PLA2G4B: variants seen among roughly 807,000 people sequenced by gnomAD.
PLA2G4B encodes the protein phospholipase A2 group IVB.
Under a neutral mutation model 95.8 loss-of-function variants are expected in PLA2G4B, and 122 were observed. The observed-to-expected ratio is 1.27, with a 90% CI of 1.10 to 1.48. The LOEUF is 1.48. Among genes scored for constraint, PLA2G4B ranks in the 40% most tolerant of loss-of-function variants. The probability of loss-of-function intolerance (pLI) is 0.00; values close to 1 mark genes in which losing one functional copy is unlikely to be tolerated. For missense variants in PLA2G4B, 1,158 were observed against 996.2 expected, an observed-to-expected ratio of 1.16 and a Z score of -2.19; for synonymous variants, 518 against 421.5, an observed-to-expected ratio of 1.23 and a Z score of -2.80.
At chr15:41,847,206 A>G in intron 18 of PLA2G4B, 131 bp from the exon 19 acceptor site, 1 of 1,390,936 alleles carries the variant, frequency 7.2e-7, no homozygotes, top group Non-Finnish European at 9.6e-7. Flanking sequence ...TTTTCCAACG[A>G]CTGGCTTCAT....
In PLA2G4B at chr15:41,840,768, CT is replaced by C. The variant is rs781778961; in HGVS notation, c.220-5del. The C allele has an allele frequency of 5.0e-6, 8 of 1,613,242 alleles. No individual in the cohort carries two copies. Among genetic ancestry groups the C allele is most frequent in the Non-Finnish European group, 6.8e-6 (8 of 1,179,492 alleles). On this transcript the variant is annotated splice_polypyrimidine_tract_variant and splice_region_variant and intron_variant, in intron 3 of 19. Transcript: ENST00000458483. ...CCTGCAGCCCTGTCACTCTTTTCCC[CT>C]CCAGAATGTCATGGAACTGAAAGTC...
chr15:41,839,415 A>C (rs1295795914), intron 1 of PLA2G4B: 1 of 153,354 alleles, frequency 6.5e-6, no homozygotes, highest in African/African-American at 2.4e-5. Flanking sequence ...TGCGCCTGCC[A>C]GGCTGCATTC....
At chr15:41,844,780 G>A (rs1029890344) in intron 12 of PLA2G4B, 68 bp from the exon 13 acceptor site, 30 of 1,538,002 alleles carry the variant, frequency 2.0e-5, no homozygotes, top group African/African-American at 1.2e-4. Context: ...TAGAAAGCCC[G>A]GGGCACGTGG....
chr15:41,845,884 G>A, intron 15 of PLA2G4B, 59 bp from the exon 16 acceptor site: 1 of 1,517,702 alleles, frequency 6.6e-7, no homozygotes, highest in East Asian at 2.3e-5. Flanking sequence ...CTGGCCATGG[G>A]GAAGGGTAGG....
rs756672172 is a variant in PLA2G4B at position 41,847,856 on chromosome 15, A to C, written c.2342A>C (p.His781Pro). 4 of 1,612,164 alleles carry C rather than the reference A, an allele frequency of 2.5e-6. No homozygotes were observed. The highest frequency in any genetic ancestry group is 2.5e-6 in the Non-Finnish European group (3 of 1,179,638). The change falls in exon 20 of 20, where the codon CAC becomes CCC. Residue 781 changes from histidine to proline, a missense_variant. His to Pro is a moderately conservative substitution (Grantham distance 77, BLOSUM62 -2). Coordinates refer to ENST00000458483, the MANE Select transcript of PLA2G4B (RefSeq NM_001114633.2). ...CAGCGGAGGCGGCAGCGCAGGCCCC[A>C]CTGATGGCCGGGGCCCCTGCCACCC... ...AVQRRRQRRPH is the reference protein window; with the variant it reads ...AVQRRRQRRPP
chr15:41,843,466 G>A (rs2065473869), intron 10 of PLA2G4B, among the ~76,000 whole-genome samples: 1 of 152,218 alleles, frequency 6.6e-6, no homozygotes, highest in East Asian at 1.9e-4. Flanking sequence ...GGCATTCTGG[G>A]TCCTGCCAGT....
chr15:41,842,694 T>C, intron 10 of PLA2G4B, 103 bp downstream of exon 10: 1 of 1,517,474 alleles, frequency 6.6e-7, no homozygotes, highest in Non-Finnish European at 8.8e-7. Flanking sequence ...CCGCCCCTCA[T>C]CCTCATGCTC....
At position 41,843,761 on chromosome 15, in the gene PLA2G4B, G is replaced by A. The variant is rs114530989; in HGVS notation, c.829G>A (p.Ala277Thr). 153 of 1,613,870 alleles carry A rather than the reference G, an allele frequency of 9.5e-5. No individual in the cohort carries two copies. The African/African-American group carries it at 1.8e-3, about 19-fold the overall frequency. The change falls in exon 11 of 20, where the codon GCG (alanine) becomes ACG (threonine). Residue 277 changes from alanine (A) to threonine (T), a missense_variant. Ala to Thr is a moderately conservative substitution (Grantham distance 58). Coordinates refer to ENST00000458483, the MANE Select transcript of PLA2G4B (RefSeq NM_001114633.2). ...FLSRRKQVVA[A>T]ALRQALQLDG... is the part of the protein sequence containing the mutation. ...GAGCAGGAGGAAGCAGGTGGTGGCCGCGGCCTTGAGGCAGGCCCTGCAGCT... is the reference window on the plus strand; with the variant it reads ...GAGCAGGAGGAAGCAGGTGGTGGCCACGGCCTTGAGGCAGGCCCTGCAGCT...
rs1470368617 is a variant in PLA2G4B, at chr15:41,845,718, T to A, written c.1438T>A (p.Phe480Ile). ...FIPSELFGSE[F>I]FMGQLMKRLP... is the part of the protein sequence containing the mutation. ...CCCCTCTGAGCTCTTTGGCTCCGAG[T>A]TCTTTATGGGGCAGCTGATGAAGAG... The change falls in exon 15 of 20, where the codon TTC becomes ATC. Residue 480 changes from phenylalanine to isoleucine, a missense_variant. Transcript: ENST00000458483. 1 of 1,612,780 alleles carries A rather than the reference T, an allele frequency of 6.2e-7. No homozygotes were observed. Among genetic ancestry groups the A allele is most frequent in the Non-Finnish European group, 8.5e-7 (1 of 1,179,510 alleles).
rs201342913 is a variant in PLA2G4B, at chr15:41,847,503, T to A, written c.2114T>A (p.Phe705Tyr). ...CACTTTCCTCTGGTCAGCGACTCCT[T>A]CCGGGAGTACTCGGCCCCTGGTGAG... Reference protein sequence around the residue: ...VLHFPLVSDSFREYSAPGVRR... With the variant: ...VLHFPLVSDSYREYSAPGVRR... The change falls in exon 19 of 20, where the codon TTC becomes TAC. Residue 705 changes from phenylalanine to tyrosine, a missense_variant. Phe to Tyr is a conservative substitution (Grantham distance 22). Transcript: ENST00000458483. The A allele has an allele frequency of 6.2e-7, 1 of 1,607,164 alleles. No homozygotes were observed.
chr15:41,845,900 G>C (rs1420951297), intron 15 of PLA2G4B, 43 bp from the exon 16 acceptor site: 1 of 1,515,732 alleles, frequency 6.6e-7, no homozygotes, highest in African/African-American at 1.4e-5. Context: ...GTAGGATTGG[G>C]ACAAGAGTCG....
In PLA2G4B at chr15:41,846,302, C is replaced by T. The variant is rs778122338; in HGVS notation, c.1700C>T (p.Ala567Val). The change falls in exon 17 of 20, where the codon GCC (alanine) becomes GTC (valine). Residue 567 changes from alanine to valine, a missense_variant. Coordinates refer to ENST00000458483, the MANE Select transcript of PLA2G4B (RefSeq NM_001114633.2). ...GATCTTCTGACGTGGCGTCCACTGG[C>T]CCAGGCCACACATAATTTCCTGCGT... The part of the protein sequence containing the change: ...FTDLLTWRPL[A>V]QATHNFLRGL... 5.0e-6 allele frequency: 8 copies of T among 1,613,872 alleles called. No individual in the cohort carries two copies. The highest frequency in any genetic ancestry group is 4.4e-5 in the South Asian group (4 of 91,084).
Position 41,842,237 on chromosome 15 carries a change from C to G in PLA2G4B, c.666C>G (p.Pro222=). The G allele has an allele frequency of 6.2e-7, 1 of 1,614,076 alleles. No individual in the cohort carries two copies. The highest frequency in any genetic ancestry group is 8.5e-7 in the Non-Finnish European group (1 of 1,180,018). Residue 222 remains proline, a synonymous_variant, in exon 9 of 20, where the codon CCC becomes CCG. Coordinates refer to ENST00000458483, the MANE Select transcript of PLA2G4B (RefSeq NM_001114633.2). ...TAAAGGCGCCACTGAGTGCCCTGCC[C>G]TCTGGTCAAGTGGTGAGGCTTGTCT... ...EQLKAPLSAL[P]SGQVVRLVFP...
At chr15:41,843,655 G>A (rs1308140627) in intron 10 of PLA2G4B, 21 bp from the exon 11 acceptor site, 3 of 1,611,178 alleles carry the variant, frequency 1.9e-6, no homozygotes, top group Non-Finnish European at 2.5e-6. Context: ...CTGTCTCACA[G>A]TCTCTTCCTT....
intron 12 of PLA2G4B, 69 bp from the exon 13 acceptor site, chr15:41,844,779 C>A (rs2305654): frequency 0.33 from 503,692 of 1,536,000 alleles, 85,144 homozygotes; most frequent in Admixed American, 0.39. Context: ...CTAGAAAGCC[C>A]GGGGCACGTG....
intron 10 of PLA2G4B, 150 bp from the exon 11 acceptor site, chr15:41,843,526 G>C (rs2065474819): frequency 7.2e-7 from 1 of 1,389,750 alleles, no homozygotes; most frequent in Non-Finnish European, 9.7e-7. Context: ...CTCTCCCCAG[G>C]TGTCAAACTT....
At chr15:41,845,498 A>C (rs1164132378) in intron 14 of PLA2G4B, 140 bp from the exon 15 acceptor site, 2 of 1,472,466 alleles carry the variant, frequency 1.4e-6, no homozygotes, top group East Asian at 4.7e-5. Context: ...CAGGGGCCTT[A>C]GGTCCTATGC....
At chr15:41,846,955 G>A (rs2065567131) in intron 18 of PLA2G4B, 120 bp downstream of exon 18, 10 of 1,334,590 alleles carry the variant, frequency 7.5e-6, no homozygotes, top group Non-Finnish European at 1.0e-5. Flanking sequence ...TGGGACACTG[G>A]AATCTTAATT....
At chr15:41,840,390 G>A in intron 2 of PLA2G4B, 134 bp from the exon 3 acceptor site, 1 of 1,579,694 alleles carries the variant, frequency 6.3e-7, no homozygotes, top group Non-Finnish European at 8.6e-7. Context: ...TGGCAGCTGG[G>A]GCTCTGCCTC....
Sources: gnomAD v4.1 joint callset for allele counts (sites outside exome capture counted in the v4.1 genomes callset) on GRCh38, gnomAD v4.1.1 for gene constraint, MANE v1.5 for transcripts, NCBI Gene and HGNC (gene_info 2026-07-23, HGNC 2026-07-21) for gene names.